The following PLCXD3 variants were observed in gnomAD, a reference collection of about 807,000 sequenced individuals.
PLCXD3 encodes PI-PLC X domain-containing protein 3.
A neutral mutation model predicts 25.5 loss-of-function variants in PLCXD3; 19 were observed. The ratio of observed to expected loss-of-function variants is 0.75; its 90% CI spans 0.52 to 1.09. The LOEUF is 1.09. Among genes scored for constraint, PLCXD3 ranks in the 50% least tolerant of loss-of-function variants. The probability of loss-of-function intolerance (pLI) is 0.00; values close to 1 mark genes in which losing one functional copy is unlikely to be tolerated. For synonymous variants in PLCXD3, 174 were observed against 137.6 expected, an observed-to-expected ratio of 1.26 and a Z score of -1.85; for missense variants, 411 against 388.1, an observed-to-expected ratio of 1.06 and a Z score of -0.50.
At chr5:41,324,727 C>T (rs1301062171) in intron 2 of PLCXD3, among the ~76,000 whole-genome samples, 2 of 152,202 alleles carry the variant, frequency 1.3e-5, no homozygotes, top group East Asian at 3.9e-4. Flanking sequence ...TGAAGTGGCT[C>T]TGCTGTGCCT....
intron 1 of PLCXD3, among the ~76,000 whole-genome samples, chr5:41,429,228 T>C (rs2150508159): frequency 6.6e-6 from 1 of 152,096 alleles, no homozygotes; most frequent in South Asian, 2.1e-4. Flanking sequence ...TCAGTTTCAT[T>C]CCAATGTTTG....
chr5:41,491,122 G>T (rs1177646290), intron 1 of PLCXD3, among the ~76,000 whole-genome samples: 1 of 152,106 alleles, frequency 6.6e-6, no homozygotes, highest in African/African-American at 2.4e-5. Flanking sequence ...CCCAGAGATT[G>T]TGGCATGTTG....
chr5:41,491,201 T>A (rs1287185016), intron 1 of PLCXD3, among the ~76,000 whole-genome samples: 1 of 152,228 alleles, frequency 6.6e-6, no homozygotes, highest in African/African-American at 2.4e-5. Context: ...TACCCAGTAG[T>A]CATTCAGGAG....
intron 2 of PLCXD3, among the ~76,000 whole-genome samples, chr5:41,350,094 T>C (rs181870254): frequency 2.0e-5 from 3 of 152,218 alleles, no homozygotes; most frequent in Admixed American, 1.3e-4. Flanking sequence ...AAATTTTCAC[T>C]GTCTCCTGCA....
chr5:41,378,839 G>A (rs957584445), intron 2 of PLCXD3, among the ~76,000 whole-genome samples: 1 of 151,984 alleles, frequency 6.6e-6, no homozygotes, highest in Non-Finnish European at 1.5e-5. Context: ...ACTAGAGCAT[G>A]AGTAACCAAA....
intron 1 of PLCXD3, among the ~76,000 whole-genome samples, chr5:41,394,620 A>C (rs1745939587): frequency 6.6e-6 from 1 of 152,190 alleles, no homozygotes; most frequent in Non-Finnish European, 1.5e-5. Context: ...GGATGGAGAA[A>C]GATATTCCAT....
At chr5:41,486,535 A>G (rs567496974) in intron 1 of PLCXD3, among the ~76,000 whole-genome samples, 6 of 152,218 alleles carry the variant, frequency 3.9e-5, no homozygotes, top group Non-Finnish European at 8.8e-5. Context: ...TTCACAGTCT[A>G]TGGTTGGACT....
intron 2 of PLCXD3, among the ~76,000 whole-genome samples, chr5:41,317,906 G>T (rs1278379941): frequency 6.6e-6 from 1 of 151,992 alleles, no homozygotes; most frequent in African/African-American, 2.4e-5. Flanking sequence ...AGAGTTATTG[G>T]CCTTAAATAA....
chr5:41,380,225 C>A (rs1037950149), intron 2 of PLCXD3, among the ~76,000 whole-genome samples: 1 of 152,086 alleles, frequency 6.6e-6, no homozygotes, highest in Non-Finnish European at 1.5e-5. Context: ...TTTCCTGACT[C>A]TGTGAATGCT....
chr5:41,411,016 G>A (rs1438255879), intron 1 of PLCXD3, among the ~76,000 whole-genome samples: 1 of 152,090 alleles, frequency 6.6e-6, no homozygotes, highest in Non-Finnish European at 1.5e-5. Context: ...CACATAGCCT[G>A]GGCAAATGGG....
In PLCXD3 at chr5:41,485,579, GC is replaced by G. The variant is rs137875134; in HGVS notation, c.103+24844del. ...GCACAATCCCAATCCTTCAGTCCCAGCCCCCTCTCTAAAACACACTGAAGCT... is the reference window on the plus strand; with the variant it reads ...GCACAATCCCAATCCTTCAGTCCCAGCCCCTCTCTAAAACACACTGAAGCT... On this transcript the variant is annotated intron_variant, in intron 1 of 2. Coordinates refer to ENST00000377801, the MANE Select transcript of PLCXD3 (RefSeq NM_001005473.3). Among the ~76,000 whole-genome samples the G allele has an allele frequency of 5.5e-3, 834 of 152,176 alleles. 4 individuals carry two copies. The highest frequency in any genetic ancestry group is 0.018 in the African/African-American group (755 of 41,530).
chr5:41,334,486 C>A (rs776088320), intron 2 of PLCXD3, among the ~76,000 whole-genome samples: 2 of 152,102 alleles, frequency 1.3e-5, no homozygotes, highest in Non-Finnish European at 2.9e-5. Context: ...TCACCCTCAT[C>A]CTAACGACAC....
At chr5:41,510,303 C>G in intron 1 of PLCXD3, 121 bp downstream of exon 1, 1 of 904,824 alleles carries the variant, frequency 1.1e-6, no homozygotes, top group Non-Finnish European at 1.7e-6. Context: ...GAGACCCACC[C>G]TGGAAGACGA....
chr5:41,460,489 C>T (rs1349645836), intron 1 of PLCXD3, among the ~76,000 whole-genome samples: 1 of 151,852 alleles, frequency 6.6e-6, no homozygotes, highest in Non-Finnish European at 1.5e-5. Flanking sequence ...GTGAAAATTC[C>T]AGAGTTTATC....
At chr5:41,392,084 C>T (rs1172012363) in intron 1 of PLCXD3, among the ~76,000 whole-genome samples, 4 of 152,194 alleles carry the variant, frequency 2.6e-5, no homozygotes, top group Non-Finnish European at 4.4e-5. Flanking sequence ...TAGTCTCTGA[C>T]TCTTGGACAG....
At chr5:41,409,496 G>A (rs190393096) in intron 1 of PLCXD3, among the ~76,000 whole-genome samples, 23 of 152,136 alleles carry the variant, frequency 1.5e-4, no homozygotes, top group African/African-American at 3.9e-4. Flanking sequence ...AATAAACCTC[G>A]TATCTAAAGT....
chr5:41,410,936 A>G (rs1746500873), intron 1 of PLCXD3, among the ~76,000 whole-genome samples: 1 of 152,200 alleles, frequency 6.6e-6, no homozygotes, highest in Non-Finnish European at 1.5e-5. Flanking sequence ...TGGTGGTGGC[A>G]GACCCTGCAG....
chr5:41,467,874 A>G (rs893001045), intron 1 of PLCXD3, among the ~76,000 whole-genome samples: 7 of 152,120 alleles, frequency 4.6e-5, no homozygotes, highest in Non-Finnish European at 8.8e-5. Context: ...CTGTAAATGC[A>G]TGGGTTAGGA....
chr5:41,476,896 T>C (rs1318857229), intron 1 of PLCXD3, among the ~76,000 whole-genome samples: 1 of 152,236 alleles, frequency 6.6e-6, no homozygotes, highest in Non-Finnish European at 1.5e-5. Flanking sequence ...TCAAGAATGA[T>C]TCTGGAGAGA....
Sources: gnomAD v4.1 joint callset for allele counts (sites outside exome capture counted in the v4.1 genomes callset) on GRCh38, gnomAD v4.1.1 for gene constraint, MANE v1.5 for transcripts, NCBI Gene and HGNC (gene_info 2026-07-23, HGNC 2026-07-21) for gene names.